Variants in ACER3 observed in about 807,000 individuals in gnomAD.
The protein encoded by ACER3 is alkCDase 3.
A neutral mutation model predicts 48.9 loss-of-function variants in ACER3; 16 were observed. The ratio of observed to expected loss-of-function variants is 0.33; its 90% CI spans 0.22 to 0.50. The LOEUF is 0.50. ACER3 is among the 20% of genes least tolerant of loss of function. The pLI is 0.98. For synonymous variants in ACER3, 109 were observed against 107.8 expected (o/e 1.01, Z -0.07); for missense variants, 227 against 326.0 (o/e 0.70, Z 2.34).
intron 4 of ACER3, among the ~76,000 whole-genome samples, chr11:76,981,357 T>G (rs1334258211): frequency 6.6e-6 from 1 of 152,196 alleles, no homozygotes; most frequent in African/African-American, 2.4e-5. Flanking sequence ...AGGGGTGAAA[T>G]AATTTTTAAT....
chr11:76,906,283 C>T (rs1053364680), intron 1 of ACER3, among the ~76,000 whole-genome samples: 3 of 152,110 alleles, frequency 2.0e-5, no homozygotes, highest in Non-Finnish European at 4.4e-5. Context: ...TTCTGTAATC[C>T]CTTACTGCTC....
At chr11:76,985,528 A>G in intron 4 of ACER3, 115 bp from the exon 5 acceptor site, 4 of 641,712 alleles carry the variant, frequency 6.2e-6, no homozygotes, top group Admixed American at 3.9e-5. Context: ...ATGAGTGGAA[A>G]GAAATGATGG....
intron 2 of ACER3, among the ~76,000 whole-genome samples, chr11:76,932,484 C>A (rs1947033460): frequency 6.6e-6 from 1 of 152,174 alleles, no homozygotes; most frequent in South Asian, 2.1e-4. Context: ...GACTTGTCTA[C>A]AGACTTATCC....
intron 2 of ACER3, among the ~76,000 whole-genome samples, chr11:76,950,670 C>T (rs1947640648): frequency 6.6e-6 from 1 of 151,508 alleles, no homozygotes; most frequent in South Asian, 2.1e-4. Context: ...ACCATGTTGC[C>T]CAGGCTGAGC....
At chr11:76,939,286 C>T (rs896595039) in intron 2 of ACER3, among the ~76,000 whole-genome samples, 1 of 152,218 alleles carries the variant, frequency 6.6e-6, no homozygotes, top group Non-Finnish European at 1.5e-5. Flanking sequence ...TATCTCCTCA[C>T]AGATTACTCA....
rs1232868682 is a variant in ACER3 at position 77,023,041 on chromosome 11, T to C, written c.*2714T>C. 2.5e-6 allele frequency: 1 copy of C among 398,282 alleles called. No individual in the cohort carries two copies. Among genetic ancestry groups the C allele is most frequent in the African/African-American group, 2.1e-5 (1 of 48,596 alleles). The allele number at this position is 398,282 out of a possible 1,614,324, so 24.7% of individuals were successfully genotyped here. ...TAAAGAACAGCTAGGTGAAAGGAGG[T>C]TAAGCTGATTGTCACTCTGCCTGCC... On this transcript the variant is annotated 3_prime_UTR_variant, in exon 11 of 11. Transcript: ENST00000532485.
chr11:76,967,694 A>G (rs1375118102), intron 3 of ACER3, among the ~76,000 whole-genome samples: 3 of 152,270 alleles, frequency 2.0e-5, no homozygotes, highest in East Asian at 1.9e-4. Context: ...CAAAAACCAC[A>G]TGGTTATCAC....
At chr11:76,973,002 G>C (rs7943913) in intron 3 of ACER3, among the ~76,000 whole-genome samples, 108,025 of 152,144 alleles carry the variant, frequency 0.71, 38,762 homozygotes, top group Non-Finnish European at 0.77. Context: ...TGGGCTTCCA[G>C]TGCATCCCAA....
intron 3 of ACER3, among the ~76,000 whole-genome samples, chr11:76,964,418 A>G (rs1948082501): frequency 1.3e-5 from 2 of 151,352 alleles, no homozygotes; most frequent in South Asian, 4.1e-4. Flanking sequence ...GGCAGCAGTA[A>G]CCTCTGCAGA....
At chr11:76,872,898 C>CTT (rs1201710346) in intron 1 of ACER3, among the ~76,000 whole-genome samples, 2 of 110,612 alleles carry the variant, frequency 1.8e-5, no homozygotes, top group African/African-American at 4.0e-5. Context: ...TTCTTTCTTT[C>CTT]TTTTTTCTTT....
chr11:77,010,511 A>AG (rs1949242433), intron 7 of ACER3, among the ~76,000 whole-genome samples: 1 of 152,130 alleles, frequency 6.6e-6, no homozygotes, highest in African/African-American at 2.4e-5. Context: ...CCAGAATAGA[A>AG]GGGAACCAAC....
chr11:77,000,037 C>G lies in ACER3; in HGVS notation c.497+1216C>G, dbSNP rs4945133. On this transcript the variant is annotated intron_variant, in intron 7 of 10. Transcript: ENST00000532485. The stretch of plus-strand genomic sequence containing the variant: ...AGTTTTTCTCAAAACTGCTGAATTG[C>G]TTTTCAGAGTAGCTCCACCATTTTT... 9.5e-4 allele frequency among the ~76,000 whole-genome samples: 145 copies of G among 152,088 alleles called. 2 individuals carry two copies. The South Asian group carries it at 0.028, about 30-fold the overall frequency.
chr11:76,894,695 A>G (rs1378740000), intron 1 of ACER3, among the ~76,000 whole-genome samples: 2 of 152,354 alleles, frequency 1.3e-5, no homozygotes, highest in African/African-American at 2.4e-5. Context: ...GATTTTTTAC[A>G]TTCATGAAAG....
At chr11:76,997,392 T>C (rs1223795751) in intron 6 of ACER3, among the ~76,000 whole-genome samples, 1 of 152,208 alleles carries the variant, frequency 6.6e-6, no homozygotes, top group Non-Finnish European at 1.5e-5. Flanking sequence ...TTTACTAGAT[T>C]GTGATTGCTG....
rs1949526658 is a variant in ACER3 at position 77,024,729 on chromosome 11, C to T, written c.*4402C>T. The stretch of plus-strand genomic sequence containing the variant: ...GAAAGCTAAGCAGGTTCTGACCACC[C>T]ATTTTCATGTACTTTAAATAACAAA... On this transcript the variant is annotated 3_prime_UTR_variant, in exon 11 of 11. Transcript: ENST00000532485. 6.6e-6 allele frequency: 1 copy of T among 152,190 alleles called. No individual in the cohort carries two copies. Among genetic ancestry groups the T allele is most frequent in the Non-Finnish European group, 1.5e-5 (1 of 68,028 alleles). The allele number at this position is 152,190 out of a possible 1,614,324, so 9.4% of individuals were successfully genotyped here. A position where few individuals can be genotyped will look rare whatever the true frequency, so the allele number is the denominator to read the frequency against.
chr11:76,869,439 G>A (rs1030744106), intron 1 of ACER3, among the ~76,000 whole-genome samples: 2 of 152,220 alleles, frequency 1.3e-5, no homozygotes, highest in Non-Finnish European at 2.9e-5. Context: ...CGTTAGTGCT[G>A]CAAGAGCTGC....
intron 1 of ACER3, among the ~76,000 whole-genome samples, chr11:76,891,478 A>C (rs1565161906): frequency 1.3e-5 from 2 of 152,078 alleles, no homozygotes; most frequent in African/African-American, 4.8e-5. Flanking sequence ...ATCCTTTAAA[A>C]TATCCTTTGT....
chr11:76,911,380 G>C (rs575239362), intron 1 of ACER3, among the ~76,000 whole-genome samples: 3 of 152,054 alleles, frequency 2.0e-5, no homozygotes, highest in Non-Finnish European at 4.4e-5. Context: ...GTGTCTTTTC[G>C]CATGCTAATG....
At chr11:77,002,525 T>G (rs1949054634) in intron 7 of ACER3, among the ~76,000 whole-genome samples, 1 of 152,208 alleles carries the variant, frequency 6.6e-6, no homozygotes, top group Admixed American at 6.5e-5. Context: ...TTTTTGTATC[T>G]GTATTCATGG....
Sources: allele counts gnomAD v4.1 joint callset (sites outside exome capture counted in the v4.1 genomes callset), GRCh38; gene constraint gnomAD v4.1.1; transcripts MANE v1.5; gene names NCBI Gene and HGNC (gene_info 2026-07-23, HGNC 2026-07-21).